Variants in PVT1 observed in about 807,000 individuals in gnomAD.
PVT1 encodes CXCR4/PVT1 fusion.
chr8:127,840,102 G>C (rs376066544), intron 2 of PVT1, among the ~76,000 whole-genome samples: 3 of 152,316 alleles, frequency 2.0e-5, no homozygotes, highest in Middle Eastern at 3.4e-3. Flanking sequence ...GCAGGTAAAG[G>C]GGGTAGAAGG....
chr8:127,946,505 CAAG>C (rs1816422547), intron 3 of PVT1: 1 of 152,112 alleles, frequency 6.6e-6, no homozygotes, highest in Admixed American at 6.5e-5. Flanking sequence ...TGCTGATTTC[CAAG>C]AAAAGGAAAG....
At chr8:128,012,718 C>T (rs1034145613) in intron 4 of PVT1, among the ~76,000 whole-genome samples, 1 of 152,194 alleles carries the variant, frequency 6.6e-6, no homozygotes, top group Admixed American at 6.5e-5. Flanking sequence ...CTCGGCTGCT[C>T]CTCCTGCCAG....
chr8:127,834,167 A>C (rs1814883152), intron 2 of PVT1, among the ~76,000 whole-genome samples: 1 of 152,094 alleles, frequency 6.6e-6, no homozygotes, highest in African/African-American at 2.4e-5. Context: ...TAAACTTCAA[A>C]CTATACCACA....
intron 4 of PVT1, among the ~76,000 whole-genome samples, chr8:128,032,323 G>C (rs1813400915): frequency 6.6e-6 from 1 of 152,190 alleles, no homozygotes; most frequent in Non-Finnish European, 1.5e-5. Flanking sequence ...CAAGAAGGGT[G>C]AGGAGGTTGC....
At chr8:127,876,326 C>T (rs906648649) in intron 2 of PVT1, among the ~76,000 whole-genome samples, 1 of 151,986 alleles carries the variant, frequency 6.6e-6, no homozygotes, top group African/African-American at 2.4e-5. Context: ...GCTGTAATGC[C>T]ACCCAGTTCC....
At chr8:127,991,140 CTTTTTTTTTTT>C (rs35494368) in intron 4 of PVT1, among the ~76,000 whole-genome samples, 1 of 73,100 alleles carries the variant, frequency 1.4e-5, no homozygotes, top group East Asian at 5.3e-4. Flanking sequence ...TCTTTTCTTT[CTTTTTTTTTTT>C]TTTTTTTTTG....
chr8:127,811,706 TTCTC>T (rs1158592350), intron 2 of PVT1, among the ~76,000 whole-genome samples: 1 of 152,242 alleles, frequency 6.6e-6, no homozygotes, highest in Non-Finnish European at 1.5e-5. Flanking sequence ...CCTTTTTCCT[TTCTC>T]TCTCCGTCCC....
chr8:127,908,860 C>T (rs1815856474), intron 3 of PVT1, among the ~76,000 whole-genome samples: 1 of 152,112 alleles, frequency 6.6e-6, no homozygotes, highest in Non-Finnish European at 1.5e-5. Context: ...CATCACCAGT[C>T]CTAAGAGGTA....
chr8:128,065,014 T>G (rs922365171), intron 4 of PVT1, among the ~76,000 whole-genome samples: 10 of 152,140 alleles, frequency 6.6e-5, no homozygotes, highest in African/African-American at 2.2e-4. Flanking sequence ...GAAATGTGCT[T>G]CTTCAATACC....
At chr8:128,073,409 C>T (rs1251927692) in intron 5 of PVT1, among the ~76,000 whole-genome samples, 1 of 152,214 alleles carries the variant, frequency 6.6e-6, no homozygotes, top group East Asian at 1.9e-4. Flanking sequence ...ACAGGTCACC[C>T]GATATAGAAT....
intron 3 of PVT1, among the ~76,000 whole-genome samples, chr8:127,927,153 G>A (rs530535616): frequency 2.6e-5 from 4 of 152,290 alleles, no homozygotes; most frequent in Admixed American, 2.6e-4. Context: ...TTCTCTAACC[G>A]GGAACTTCTT....
chr8:128,036,544 G>C, intron 4 of PVT1, among the ~76,000 whole-genome samples: 1 of 152,158 alleles, frequency 6.6e-6, no homozygotes, highest in Admixed American at 6.5e-5. Flanking sequence ...CCGAGACCCA[G>C]CGCTTCTGGG....
chr8:127,843,187 T>C (rs145233128), intron 2 of PVT1, among the ~76,000 whole-genome samples: 6,619 of 152,036 alleles, frequency 0.044, 514 homozygotes, highest in African/African-American at 0.15. Flanking sequence ...AAAACCCCAT[T>C]TCTACTAAAA....
At chr8:127,959,465 G>A (rs1483090868) in intron 3 of PVT1, among the ~76,000 whole-genome samples, 2 of 151,822 alleles carry the variant, frequency 1.3e-5, no homozygotes, top group Admixed American at 6.6e-5. Context: ...CGTGCCTATA[G>A]TCCCAGCTAC....
intron 2 of PVT1, among the ~76,000 whole-genome samples, chr8:127,875,291 A>G (rs949665837): frequency 6.6e-6 from 1 of 152,010 alleles, no homozygotes; most frequent in South Asian, 2.1e-4. Flanking sequence ...AGCCATAGCA[A>G]GAAGGGAGAG....
At chr8:127,952,690 A>T (rs149224201) in intron 3 of PVT1, among the ~76,000 whole-genome samples, 1 of 152,338 alleles carries the variant, frequency 6.6e-6, no homozygotes, top group East Asian at 1.9e-4. Context: ...CGATGAGGCA[A>T]CAGAGGCACA....
At chr8:127,838,191 C>G (rs1341250408) in intron 2 of PVT1, among the ~76,000 whole-genome samples, 1 of 152,038 alleles carries the variant, frequency 6.6e-6, no homozygotes, top group African/African-American at 2.4e-5. Context: ...ACCACTGCAC[C>G]TGGTCTCATT....
chr8:127,942,186 A>G (rs1282071002), intron 3 of PVT1, among the ~76,000 whole-genome samples: 3 of 152,050 alleles, frequency 2.0e-5, no homozygotes, highest in Non-Finnish European at 4.4e-5. Flanking sequence ...GCCAGTTGGG[A>G]AGTGTCATCC....
chr8:128,091,901 T>G (rs562677936), intron 5 of PVT1, among the ~76,000 whole-genome samples: 1 of 152,176 alleles, frequency 6.6e-6, no homozygotes, highest in East Asian at 1.9e-4. Context: ...GGCATATGGG[T>G]CTCAGTGTCC....
Sources: gnomAD v4.1 joint callset for allele counts (sites outside exome capture counted in the v4.1 genomes callset) on GRCh38, gnomAD v4.1.1 for gene constraint, MANE v1.5 for transcripts, NCBI Gene and HGNC (gene_info 2026-07-23, HGNC 2026-07-21) for gene names.